Variants in DLG1 observed in about 807,000 individuals in gnomAD.
The protein encoded by DLG1 is discs large MAGUK scaffold protein 1, also known as disks large homolog 1.
DLG1 carries 42 observed loss-of-function variants against 123.4 expected under a neutral mutation model. That is an observed-to-expected ratio of 0.34 (90% CI 0.27 to 0.44). DLG1 has a LOEUF of 0.44. DLG1 is among the 20% of genes least tolerant of loss of function. The pLI is 1.00. For missense variants in DLG1, 942 were observed against 1,082.6 expected (o/e 0.87, Z 1.82); for synonymous variants, 317 against 356.2 (o/e 0.89, Z 1.24).
chr3:197,165,930 T>A (rs576921040), intron 5 of DLG1, among the ~76,000 whole-genome samples: 1 of 152,286 alleles, frequency 6.6e-6, no homozygotes, highest in East Asian at 1.9e-4. Context: ...TAGAGTATCA[T>A]CACAACCTTG....
chr3:197,258,574 A>C (rs919193194), intron 4 of DLG1, among the ~76,000 whole-genome samples: 3 of 152,208 alleles, frequency 2.0e-5, no homozygotes, highest in African/African-American at 7.2e-5. Context: ...GGGGAGGCGG[A>C]TGATGAAAAA....
chr3:197,237,824 G>A (rs887300709), intron 4 of DLG1, among the ~76,000 whole-genome samples: 7 of 152,174 alleles, frequency 4.6e-5, no homozygotes, highest in African/African-American at 1.7e-4. Flanking sequence ...CAGTAATGAG[G>A]CATTCCAACT....
chr3:197,288,743 A>AAAAAAACATACATAC (rs1553827364), intron 3 of DLG1, among the ~76,000 whole-genome samples: 7 of 72,078 alleles, frequency 9.7e-5, no homozygotes, highest in Non-Finnish European at 1.7e-4. Context: ...AAAAAAAAAA[A>AAAAAAACATACATAC]ATACATACAT....
intron 5 of DLG1, chr3:197,161,650 G>A: frequency 6.6e-7 from 1 of 1,516,964 alleles, no homozygotes; most frequent in Non-Finnish European, 8.8e-7. Flanking sequence ...CTGTGGTATG[G>A]TGGGTAGGAT....
chr3:197,200,433 T>C (rs1184601044), intron 4 of DLG1, among the ~76,000 whole-genome samples: 5 of 152,188 alleles, frequency 3.3e-5, no homozygotes, highest in African/African-American at 1.2e-4. Context: ...TGAGGCTTAA[T>C]ATGAATTCTT....
chr3:197,179,903 C>T (rs1809219112), intron 5 of DLG1, among the ~76,000 whole-genome samples: 1 of 152,104 alleles, frequency 6.6e-6, no homozygotes, highest in African/African-American at 2.4e-5. Context: ...TGACTTAGGA[C>T]AGGGTTTTTC....
chr3:197,176,145 G>A (rs1806920811), intron 5 of DLG1, among the ~76,000 whole-genome samples: 2 of 152,038 alleles, frequency 1.3e-5, no homozygotes, highest in Admixed American at 1.3e-4. Context: ...TTCAAGCTAA[G>A]CCAATCTAAT....
At chr3:197,267,745 C>A (rs1762310542) in intron 4 of DLG1, among the ~76,000 whole-genome samples, 1 of 151,964 alleles carries the variant, frequency 6.6e-6, no homozygotes, top group Admixed American at 6.6e-5. Context: ...TTTTTATATT[C>A]TTTTCCCGAG....
At chr3:197,066,050 G>C (rs943425882) in intron 20 of DLG1, among the ~76,000 whole-genome samples, 1 of 152,064 alleles carries the variant, frequency 6.6e-6, no homozygotes, top group Non-Finnish European at 1.5e-5. Flanking sequence ...GTTAAATTTG[G>C]TGTTTTCGCA....
intron 4 of DLG1, among the ~76,000 whole-genome samples, chr3:197,254,464 C>T (rs1470008452): frequency 6.6e-6 from 1 of 152,318 alleles, no homozygotes; most frequent in African/African-American, 2.4e-5. Flanking sequence ...AAGAACACTG[C>T]TTCGCTTTCA....
In DLG1 at chr3:197,142,777, G is replaced by T; in HGVS notation, c.538-9C>A. On this transcript the variant is annotated splice_polypyrimidine_tract_variant and intron_variant, in intron 6 of 24. Coordinates refer to ENST00000667157, the MANE Select transcript of DLG1 (RefSeq NM_001366207.1). ...GCATCTGTGCCATTAACCTACAGGG[G>T]AAAAGAAAAGCAGCTCAGAAACTTC... The T allele has an allele frequency of 6.3e-7, 1 of 1,598,440 alleles. No individual in the cohort carries two copies. Among genetic ancestry groups the T allele is most frequent in the Non-Finnish European group, 8.5e-7 (1 of 1,175,482 alleles).
intron 14 of DLG1, among the ~76,000 whole-genome samples, chr3:197,099,475 C>G (rs1231209759): frequency 6.6e-6 from 1 of 152,228 alleles, no homozygotes; most frequent in Non-Finnish European, 1.5e-5. Flanking sequence ...TTTCTCCATT[C>G]AACATCTCAA....
chr3:197,055,714 G>T (rs890904827), intron 23 of DLG1, among the ~76,000 whole-genome samples: 3 of 152,232 alleles, frequency 2.0e-5, no homozygotes, highest in East Asian at 3.9e-4. Flanking sequence ...TCTGTGGTGT[G>T]GGGGGAAGAG....
intron 4 of DLG1, among the ~76,000 whole-genome samples, chr3:197,244,521 T>G (rs1750639299): frequency 6.6e-6 from 1 of 152,132 alleles, no homozygotes; most frequent in Non-Finnish European, 1.5e-5. Context: ...TTTGGTTTTG[T>G]TACTGGGTGA....
intron 4 of DLG1, among the ~76,000 whole-genome samples, chr3:197,197,201 A>C (rs1419913527): frequency 6.6e-6 from 1 of 152,192 alleles, no homozygotes; most frequent in Non-Finnish European, 1.5e-5. Flanking sequence ...TTTCCTGTAA[A>C]TTGGTAGCTG....
chr3:197,046,930 C>CA (rs1266250255), intron 24 of DLG1, among the ~76,000 whole-genome samples: 21 of 144,378 alleles, frequency 1.5e-4, no homozygotes, highest in Admixed American at 4.3e-4. Context: ...CAAAAAACAA[C>CA]AAAAAATCCC....
At chr3:197,230,761 T>A (rs974241113) in intron 4 of DLG1, among the ~76,000 whole-genome samples, 1 of 152,218 alleles carries the variant, frequency 6.6e-6, no homozygotes, top group Non-Finnish European at 1.5e-5. Flanking sequence ...TTGTAATTCC[T>A]ACAGAGCAGA....
Position 197,290,726 on chromosome 3 carries a change from G to A in DLG1, c.151+5620C>T, listed in dbSNP as rs185348441. 1.3e-4 allele frequency among the ~76,000 whole-genome samples: 19 copies of A among 151,780 alleles called. No individual in the cohort carries two copies. The East Asian group carries it at 3.3e-3, about 26-fold the overall frequency. ...GCTCAGGAGTTCGAGACCAGCCTGG[G>A]CAACACCTGTCTCTAGAAAAAGTTA... On this transcript the variant is annotated intron_variant, in intron 3 of 24. Coordinates refer to ENST00000667157, the MANE Select transcript of DLG1 (RefSeq NM_001366207.1).
intron 6 of DLG1, among the ~76,000 whole-genome samples, chr3:197,147,062 G>A (rs1344477508): frequency 3.9e-5 from 6 of 151,968 alleles, no homozygotes; most frequent in South Asian, 2.1e-4. Context: ...CATCACTATC[G>A]GGAAAATGAA....
Sources: allele counts gnomAD v4.1 joint callset (sites outside exome capture counted in the v4.1 genomes callset), GRCh38; gene constraint gnomAD v4.1.1; transcripts MANE v1.5; gene names NCBI Gene and HGNC (gene_info 2026-07-23, HGNC 2026-07-21).